Variants in ZNF438 observed in about 807,000 individuals in gnomAD.
ZNF438 encodes the protein zinc finger protein 438.
Under a neutral mutation model 38.0 loss-of-function variants are expected in ZNF438, and 25 were observed. That is an observed-to-expected ratio of 0.66 (90% CI 0.48 to 0.92). ZNF438 has a LOEUF of 0.92. Among genes scored for constraint, ZNF438 ranks in the 40% least tolerant of loss-of-function variants. The pLI, the probability that ZNF438 is intolerant of heterozygous loss-of-function variation, is 0.00. For missense variants in ZNF438, 1,007 were observed against 999.6 expected (o/e 1.01, Z -0.10); for synonymous variants, 372 against 364.1 (o/e 1.02, Z -0.25).
chr10:31,014,473 C>A (rs533234721), intron 1 of ZNF438, among the ~76,000 whole-genome samples: 4 of 152,124 alleles, frequency 2.6e-5, no homozygotes, highest in Non-Finnish European at 4.4e-5. Context: ...ATCATGAGGG[C>A]CCCACCTTCA....
intron 5 of ZNF438, among the ~76,000 whole-genome samples, chr10:30,846,042 T>C (rs1328614882): frequency 6.6e-6 from 1 of 152,230 alleles, no homozygotes; most frequent in African/African-American, 2.4e-5. Context: ...AAAGGGTGCC[T>C]ACCCTATTTC....
chr10:31,022,364 C>A (rs1036681753), intron 1 of ZNF438, among the ~76,000 whole-genome samples: 2 of 152,088 alleles, frequency 1.3e-5, no homozygotes, highest in Non-Finnish European at 2.9e-5. Context: ...GAGGTTCAAG[C>A]AATTCTCCTG....
intron 4 of ZNF438, among the ~76,000 whole-genome samples, chr10:30,863,122 G>A (rs1588853483): frequency 6.6e-6 from 1 of 152,212 alleles, no homozygotes; most frequent in East Asian, 1.9e-4. Context: ...AATGCACAAG[G>A]GTGGACAGCC....
At chr10:30,852,678 G>A (rs1463427906) in intron 4 of ZNF438, among the ~76,000 whole-genome samples, 1 of 152,176 alleles carries the variant, frequency 6.6e-6, no homozygotes, top group Non-Finnish European at 1.5e-5. Context: ...CAAAGAAAAA[G>A]GACATTATGA....
rs1457163721 is a variant in ZNF438 at position 30,945,402 on chromosome 10, A to AT, written c.-191-3752dup. ...GGATTCTTTTACTTTTTTTTTTTTTATTTTTTTTTACTTTTTTTTATTATA... is the reference window on the plus strand; with the variant it reads ...GGATTCTTTTACTTTTTTTTTTTTTATTTTTTTTTTACTTTTTTTTATTATA... On this transcript the variant is annotated intron_variant, in intron 1 of 5. Transcript: ENST00000413025. Among the ~76,000 whole-genome samples, 371 of 122,770 alleles carry AT rather than the reference A, an allele frequency of 3.0e-3. 2 individuals carry two copies. The highest frequency in any genetic ancestry group is 0.01 in the African/African-American group (339 of 33,076). The allele number at this position is 122,770 out of a possible 152,430, so 80.5% of individuals were successfully genotyped here. A position where few individuals can be genotyped will look rare whatever the true frequency, so the allele number is the denominator to read the frequency against.
chr10:30,928,647 C>T (rs1246858685), intron 2 of ZNF438, among the ~76,000 whole-genome samples: 2 of 151,976 alleles, frequency 1.3e-5, no homozygotes, highest in African/African-American at 4.8e-5. Flanking sequence ...TTATTCAAAG[C>T]ACTTTTTTTT....
chr10:31,005,281 GTA>G (rs765435295), intron 1 of ZNF438, among the ~76,000 whole-genome samples: 6 of 151,964 alleles, frequency 3.9e-5, no homozygotes, highest in Non-Finnish European at 7.4e-5. Context: ...ATGTGTGTGT[GTA>G]TATATATATG....
In ZNF438 at chr10:31,000,774, C is replaced by CA. The variant is rs200771385; in HGVS notation, c.-192+31058dup. The stretch of plus-strand genomic sequence containing the variant: ...CAAAATTGTCACATAGAAAAGCATG[C>CA]AAAAAAAAAAAAAACTTTTCTTGTG... On this transcript the variant is annotated intron_variant, in intron 1 of 5. Transcript: ENST00000413025. 0.019 allele frequency among the ~76,000 whole-genome samples: 2,214 copies of CA among 115,162 alleles called. 109 individuals are homozygous for CA. In the East Asian group the frequency reaches 0.22, roughly 11 times the overall value. 75.6% of individuals were successfully genotyped at this position (115,162 alleles called of 152,430 possible). A position where few individuals can be genotyped will look rare whatever the true frequency, so the allele number is the denominator to read the frequency against.
At chr10:30,853,451 G>C (rs200501814) in intron 4 of ZNF438, among the ~76,000 whole-genome samples, 1 of 152,142 alleles carries the variant, frequency 6.6e-6, no homozygotes, top group Non-Finnish European at 1.5e-5. Context: ...CTCCAGCCAT[G>C]GTGGCCTCTT....
At chr10:30,996,650 A>G (rs191283426) in intron 1 of ZNF438, among the ~76,000 whole-genome samples, 1 of 152,040 alleles carries the variant, frequency 6.6e-6, no homozygotes, top group Non-Finnish European at 1.5e-5. Context: ...TAAAACCACC[A>G]GGAAGAAAAT....
At chr10:30,955,233 G>A (rs995664231) in intron 1 of ZNF438, among the ~76,000 whole-genome samples, 1 of 152,152 alleles carries the variant, frequency 6.6e-6, no homozygotes, top group African/African-American at 2.4e-5. Context: ...TCTTGGAGGT[G>A]GGTGAGTAAA....
At chr10:30,848,879 C>T in exon 5 of ZNF438, 1 of 1,614,228 alleles carries the variant, frequency 6.2e-7, no homozygotes, top group Non-Finnish European at 8.5e-7. Flanking sequence ...GCAGACGTGA[C>T]ATCTGTGCCA....
At chr10:30,847,678 C>T (rs890306228) in intron 5 of ZNF438, among the ~76,000 whole-genome samples, 1 of 152,200 alleles carries the variant, frequency 6.6e-6, no homozygotes, top group Non-Finnish European at 1.5e-5. Flanking sequence ...GGCAGTGACT[C>T]CCTAGTCTCC....
chr10:30,878,313 A>G (rs1257390690), intron 3 of ZNF438, among the ~76,000 whole-genome samples: 1 of 152,136 alleles, frequency 6.6e-6, no homozygotes, highest in Non-Finnish European at 1.5e-5. Context: ...AGAGGAGAGA[A>G]GCAGCTTGAC....
At chr10:31,015,147 C>T (rs967392888) in intron 1 of ZNF438, among the ~76,000 whole-genome samples, 2 of 152,152 alleles carry the variant, frequency 1.3e-5, no homozygotes, top group African/African-American at 2.4e-5. Flanking sequence ...AGATTACAGG[C>T]GTGAGCTACC....
chr10:30,980,069 G>A (rs954970170), intron 1 of ZNF438, among the ~76,000 whole-genome samples: 3 of 152,068 alleles, frequency 2.0e-5, no homozygotes, highest in Admixed American at 6.5e-5. Flanking sequence ...ATTACAAATG[G>A]ACTTGGGAGT....
intron 2 of ZNF438, among the ~76,000 whole-genome samples, chr10:30,925,538 AC>A (rs2044814174): frequency 1.3e-5 from 2 of 152,354 alleles, no homozygotes; most frequent in South Asian, 4.1e-4. Flanking sequence ...TATCGCATTA[AC>A]CTGTCCAAAA....
intron 4 of ZNF438, among the ~76,000 whole-genome samples, chr10:30,873,762 G>A (rs1369132260): frequency 6.6e-6 from 1 of 152,158 alleles, no homozygotes; most frequent in Admixed American, 6.5e-5. Context: ...TTCCTCGTAT[G>A]AATTACCTTG....
intron 1 of ZNF438, among the ~76,000 whole-genome samples, chr10:31,014,245 A>C (rs545221526): frequency 1.3e-3 from 200 of 152,312 alleles, no homozygotes; most frequent in Non-Finnish European, 9.3e-4. Flanking sequence ...GAGCTACCAC[A>C]ACAACAGAAA....
Sources: allele counts gnomAD v4.1 joint callset (sites outside exome capture counted in the v4.1 genomes callset), GRCh38; gene constraint gnomAD v4.1.1; transcripts MANE v1.5; gene names NCBI Gene and HGNC (gene_info 2026-07-23, HGNC 2026-07-21).